The following RGS7 variants were observed in gnomAD, a reference collection of about 807,000 sequenced individuals.
The protein encoded by RGS7 is regulator of G-protein signaling 7.
In RGS7, 27 loss-of-function variants were observed where a neutral mutation model predicts 81.1. The ratio of observed to expected loss-of-function variants is 0.33; its 90% CI spans 0.25 to 0.46. The LOEUF is 0.46. Ranked by LOEUF, RGS7 falls within the 20% of genes least tolerant of loss-of-function variation. The pLI, the probability that RGS7 is intolerant of heterozygous loss-of-function variation, is 1.00. For synonymous variants in RGS7, 208 were observed against 207.7 expected (o/e 1.00, Z -0.01); for missense variants, 396 against 607.4 (o/e 0.65, Z 3.66).
chr1:241,337,343 T>G (rs1262698361), intron 2 of RGS7, among the ~76,000 whole-genome samples: 1 of 152,096 alleles, frequency 6.6e-6, no homozygotes, highest in African/African-American at 2.4e-5. Flanking sequence ...AGTTGAACAA[T>G]CATTTAATGG....
At chr1:240,927,080 T>C (rs1179040694) in intron 6 of RGS7, among the ~76,000 whole-genome samples, 1 of 152,146 alleles carries the variant, frequency 6.6e-6, no homozygotes, top group Admixed American at 6.5e-5. Context: ...GTTTTGTTTG[T>C]TTGTTTTTTG....
rs369155474 is a variant in RGS7 at position 240,955,551 on chromosome 1, CAAAAAAAAAAAAAAAAA to C, written c.227-18862_227-18846del. Among the ~76,000 whole-genome samples the C allele has an allele frequency of 2.5e-3, 347 of 140,228 alleles. 6 individuals carry two copies. Among genetic ancestry groups the C allele is most frequent in the East Asian group, 7.7e-3 (37 of 4,818 alleles). 92.0% of individuals were successfully genotyped at this position (140,228 alleles called of 152,430 possible). On this transcript the variant is annotated intron_variant, in intron 4 of 18. Coordinates refer to ENST00000440928, the MANE Select transcript of RGS7 (RefSeq NM_001364886.1). ...TGGGCGGCAGAGCAAGACTCTGTCT[CAAAAAAAAAAAAAAAAA>C]AAAAAAAAAAAAAAACCGATTTGGA...
At chr1:240,933,022 T>A (rs572469661) in intron 5 of RGS7, among the ~76,000 whole-genome samples, 16 of 148,986 alleles carry the variant, frequency 1.1e-4, no homozygotes, top group South Asian at 2.1e-4. Context: ...TAGCTGGGAC[T>A]ACAGGCGCCC....
rs1379729462 is a variant in RGS7, at chr1:241,351,434, A to AC, written c.78+4264_78+4265insG. On this transcript the variant is annotated intron_variant, in intron 2 of 18. Coordinates refer to ENST00000440928, the MANE Select transcript of RGS7 (RefSeq NM_001364886.1). ...ACCCTGACTTTATTTAAAAAAAAAA[A>AC]AAATAGAATGGAGCAATCTTAACCC... 4.6e-5 allele frequency among the ~76,000 whole-genome samples: 7 copies of AC among 151,238 alleles called. No homozygotes were observed. In the South Asian group the frequency reaches 1.5e-3, roughly 32 times the overall value.
At chr1:241,088,129 T>C (rs2063589578) in intron 3 of RGS7, among the ~76,000 whole-genome samples, 1 of 150,832 alleles carries the variant, frequency 6.6e-6, no homozygotes, top group Non-Finnish European at 1.5e-5. Flanking sequence ...GGGTCTCAAC[T>C]GGGCATAGGG....
intron 2 of RGS7, among the ~76,000 whole-genome samples, chr1:241,232,192 TTCTCTCTC>T: frequency 6.7e-6 from 1 of 149,124 alleles, no homozygotes; most frequent in Admixed American, 6.7e-5. Flanking sequence ...TATATGTCTA[TTCTCTCTC>T]TCTCTCTCTC....
chr1:241,066,513 C>T (rs6429237), intron 3 of RGS7, among the ~76,000 whole-genome samples: 3,677 of 152,306 alleles, frequency 0.024, 141 homozygotes, highest in African/African-American at 0.084. Context: ...AAAAATAAAA[C>T]AACATGTAAT....
chr1:240,796,595 AG>A (rs1481240258), intron 18 of RGS7, among the ~76,000 whole-genome samples: 1 of 152,202 alleles, frequency 6.6e-6, no homozygotes, highest in Non-Finnish European at 1.5e-5. Flanking sequence ...TTGAGGCAGG[AG>A]AATTGTTTGA....
At chr1:241,317,438 TG>T (rs2148589155) in intron 2 of RGS7, among the ~76,000 whole-genome samples, 1 of 152,336 alleles carries the variant, frequency 6.6e-6, no homozygotes, top group Admixed American at 6.5e-5. Context: ...TAGAATTATT[TG>T]GAGCCAAATA....
At chr1:241,058,780 T>C (rs2148826276) in intron 3 of RGS7, among the ~76,000 whole-genome samples, 1 of 152,314 alleles carries the variant, frequency 6.6e-6, no homozygotes, top group Non-Finnish European at 1.5e-5. Context: ...GATGAGGAGT[T>C]GGGATGGATT....
intron 6 of RGS7, among the ~76,000 whole-genome samples, chr1:240,892,869 G>A (rs1436936067): frequency 4.6e-5 from 7 of 152,060 alleles, no homozygotes; most frequent in African/African-American, 1.7e-4. Flanking sequence ...ATTAAACTCT[G>A]TTGAACTATT....
chr1:240,842,264 T>A (rs1311327034), intron 9 of RGS7, among the ~76,000 whole-genome samples: 1 of 137,806 alleles, frequency 7.3e-6, no homozygotes, highest in Admixed American at 8.1e-5. Context: ...AGTGGCAAGA[T>A]CTTGGCTCAC....
chr1:240,945,801 T>C (rs1678502627), intron 4 of RGS7, among the ~76,000 whole-genome samples: 1 of 152,238 alleles, frequency 6.6e-6, no homozygotes, highest in South Asian at 2.1e-4. Context: ...AGTATCATTT[T>C]AAAAATCCTA....
intron 9 of RGS7, among the ~76,000 whole-genome samples, chr1:240,840,140 C>A (rs887818656): frequency 3.3e-5 from 5 of 152,208 alleles, no homozygotes; most frequent in Admixed American, 2.6e-4. Flanking sequence ...TTATTCTCCA[C>A]ACAGTAGCCA....
At chr1:240,983,400 T>C (rs1685213820) in intron 3 of RGS7, among the ~76,000 whole-genome samples, 1 of 152,194 alleles carries the variant, frequency 6.6e-6, no homozygotes, top group Non-Finnish European at 1.5e-5. Context: ...AGAAAGTGAT[T>C]TGTTTACTAA....
At chr1:241,046,936 T>A (rs2060960275) in intron 3 of RGS7, among the ~76,000 whole-genome samples, 1 of 152,100 alleles carries the variant, frequency 6.6e-6, no homozygotes, top group African/African-American at 2.4e-5. Flanking sequence ...AATGAGCTCA[T>A]GAGGAACTTA....
At chr1:241,277,575 C>T (rs560875889) in intron 2 of RGS7, among the ~76,000 whole-genome samples, 4 of 151,174 alleles carry the variant, frequency 2.6e-5, no homozygotes, top group Admixed American at 6.6e-5. Context: ...GCCGAGATCA[C>T]GCCACTGCAC....
At position 241,164,435 on chromosome 1, in the gene RGS7, C is replaced by T. The variant is rs540829624; in HGVS notation, c.79-65673G>A. ...GCATTGGTCTTTTCAGCGTCCGGTC[C>T]CCATCCTGAAGCCACCTAGGGACTG... On this transcript the variant is annotated intron_variant, in intron 2 of 18. Coordinates refer to ENST00000440928, the MANE Select transcript of RGS7 (RefSeq NM_001364886.1). This position sits in a 1 kb window ranked among gnomAD's most constrained non-coding sequence, Gnocchi z 4.1. 6.6e-6 allele frequency among the ~76,000 whole-genome samples: 1 copy of T among 152,228 alleles called. No homozygotes were observed. Among genetic ancestry groups the T allele is most frequent in the Admixed American group, 6.5e-5 (1 of 15,296 alleles).
chr1:241,219,433 C>A (rs566695087), intron 2 of RGS7, among the ~76,000 whole-genome samples: 1 of 152,272 alleles, frequency 6.6e-6, no homozygotes, highest in East Asian at 1.9e-4. Flanking sequence ...CCAATTAAAC[C>A]TCTTTCTTTT....
Sources: allele counts gnomAD v4.1 joint callset (sites outside exome capture counted in the v4.1 genomes callset), GRCh38; gene constraint gnomAD v4.1.1; non-coding constraint Gnocchi (gnomAD v3.1); transcripts MANE v1.5; gene names NCBI Gene and HGNC (gene_info 2026-07-23, HGNC 2026-07-21).